HK1: variants seen among roughly 807,000 people sequenced by gnomAD.
HK1 encodes the protein hexokinase-1.
In HK1, 28 loss-of-function variants were observed where a neutral mutation model predicts 91.6. The ratio of observed to expected loss-of-function variants is 0.31; its 90% CI spans 0.23 to 0.42. HK1 has a LOEUF of 0.42. HK1 is among the 10% of genes least tolerant of loss of function. The pLI is 1.00. For synonymous variants in HK1, 430 were observed against 468.1 expected, an observed-to-expected ratio of 0.92 and a Z score of 1.05; for missense variants, 770 against 1,219.8, an observed-to-expected ratio of 0.63 and a Z score of 5.49.
rs373872646 is a variant in HK1 at position 69,378,803 on chromosome 10, G to A, written c.1032-1059G>A. On this transcript the variant is annotated intron_variant, in intron 8 of 17. Coordinates refer to ENST00000359426, the MANE Select transcript of HK1 (RefSeq NM_000188.3). ...ATATTTTTTGGTCAGGTAGAATTGG[G>A]AAAGTCCCACACTCTCCTATTCTCG... is the stretch of plus-strand genomic sequence containing the variant. Among the ~76,000 whole-genome samples the A allele has an allele frequency of 3.3e-5, 5 of 152,240 alleles. No individual in the cohort carries two copies. The East Asian group carries it at 7.7e-4, about 23-fold the overall frequency.
intron 13 of HK1, chr10:69,386,926 T>G (rs1347118315): frequency 6.6e-6 from 1 of 152,272 alleles, no homozygotes; most frequent in Non-Finnish European, 1.5e-5. Flanking sequence ...GTTAAAAGAT[T>G]ATTATTATTT....
At chr10:69,377,885 G>A (rs939721746) in intron 8 of HK1, among the ~76,000 whole-genome samples, 14 of 152,204 alleles carry the variant, frequency 9.2e-5, no homozygotes, top group East Asian at 1.9e-4. Context: ...AGATGAGACA[G>A]GACAGTTAGA....
At chr10:69,325,560 C>G (rs1159530763) in intron 1 of HK1, among the ~76,000 whole-genome samples, 1 of 148,654 alleles carries the variant, frequency 6.7e-6, no homozygotes, top group Non-Finnish European at 1.5e-5. Flanking sequence ...GGGTCTCACT[C>G]TGTATCCTGG....
rs1554874322 is a variant in HK1, at chr10:69,276,118, A to AATATATATATATATAT, written c.-391+6013_-391+6014insTATATATATATATATA. ...AAAAAAAAAAAAAAAAAAAAAAAAA[A>AATATATATATATATAT]ATACATATATATATATATATACACA... On this transcript the variant is annotated intron_variant, in intron 1 of 21. Transcript: ENST00000360289. Among the ~76,000 whole-genome samples the AATATATATATATATAT allele has an allele frequency of 1.3e-3, 50 of 38,250 alleles. 3 individuals are homozygous for AATATATATATATATAT. The highest frequency in any genetic ancestry group is 2.8e-3 in the Admixed American group (5 of 1,794). 25.1% of individuals were successfully genotyped at this position (38,250 alleles called of 152,430 possible). A position where few individuals can be genotyped will look rare whatever the true frequency, so the allele number is the denominator to read the frequency against.
chr10:69,350,124 G>C (rs1309605174), intron 2 of HK1, among the ~76,000 whole-genome samples: 1 of 152,168 alleles, frequency 6.6e-6, no homozygotes, highest in Non-Finnish European at 1.5e-5. Flanking sequence ...GACCTGTGAT[G>C]GTCTTGGAGA....
At chr10:69,395,436 G>A (rs1409512260) in intron 16 of HK1, among the ~76,000 whole-genome samples, 1 of 152,084 alleles carries the variant, frequency 6.6e-6, no homozygotes, top group Non-Finnish European at 1.5e-5. Context: ...AAATTAGCTG[G>A]GTGTGGTGGC....
chr10:69,273,415 A>G (rs923539002), intron 1 of HK1, among the ~76,000 whole-genome samples: 1 of 152,158 alleles, frequency 6.6e-6, no homozygotes, highest in African/African-American at 2.4e-5. Flanking sequence ...ATGGAGTTTC[A>G]CCGTGTCAGC....
At chr10:69,360,073 C>G in intron 3 of HK1, 28 bp downstream of exon 3, 3 of 1,611,358 alleles carry the variant, frequency 1.9e-6, no homozygotes, top group South Asian at 1.1e-5. Flanking sequence ...CCGGGTCACC[C>G]CGTCGGGCCA....
At chr10:69,297,965 C>A (rs950501146) in intron 4 of HK1, among the ~76,000 whole-genome samples, 1 of 150,846 alleles carries the variant, frequency 6.6e-6, no homozygotes, top group Non-Finnish European at 1.5e-5. Flanking sequence ...AATCCCAGCA[C>A]TTTGGGAGGC....
chr10:69,401,075 C>G lies in HK1; in HGVS notation c.2694C>G (p.Gly898=), dbSNP rs755774214. ...TCCTCCTGTCTGAGGATGGCAGCGGCAAGGGGGCCGCCCTCATCACGGCCG... is the reference window on the plus strand; with the variant it reads ...TCCTCCTGTCTGAGGATGGCAGCGGGAAGGGGGCCGCCCTCATCACGGCCG... ...VSFLLSEDGS[G]KGAALITAVG... is the part of the protein sequence containing the mutation. The change falls in exon 18 of 18, where the codon GGC becomes GGG. Residue 898 remains glycine (G), a synonymous_variant. Transcript: ENST00000359426. 1 of 1,614,210 alleles carries G rather than the reference C, an allele frequency of 6.2e-7. No homozygotes were observed. The highest frequency in any genetic ancestry group is 1.1e-5 in the South Asian group (1 of 91,088).
chr10:69,364,769 C>T lies in HK1; in HGVS notation c.376-14C>T, dbSNP rs1849611874. 6.2e-7 allele frequency: 1 copy of T among 1,614,048 alleles called. No homozygotes were observed. The highest frequency in any genetic ancestry group is 8.5e-7 in the Non-Finnish European group (1 of 1,180,022). ...TGCTTTGGGGCCCCCTGACTGCTCT[C>T]ATGTTTCCTTCAGCTTTTTGATCAT... On this transcript the variant is annotated splice_polypyrimidine_tract_variant and intron_variant, in intron 3 of 17. Coordinates refer to ENST00000359426, the MANE Select transcript of HK1 (RefSeq NM_000188.3).
chr10:69,306,190 T>C (rs1049905742), intron 5 of HK1, among the ~76,000 whole-genome samples: 3 of 151,368 alleles, frequency 2.0e-5, no homozygotes, highest in Non-Finnish European at 4.4e-5. Flanking sequence ...CCGTCTCTAC[T>C]AAAAATACAA....
At chr10:69,337,039 T>C (rs1848029730) in intron 1 of HK1, among the ~76,000 whole-genome samples, 1 of 152,214 alleles carries the variant, frequency 6.6e-6, no homozygotes, top group African/African-American at 2.4e-5. Context: ...CACTTGATGC[T>C]TACTTTGTTT....
At chr10:69,274,314 T>C (rs571429200) in intron 1 of HK1, among the ~76,000 whole-genome samples, 107 of 152,236 alleles carry the variant, frequency 7.0e-4, no homozygotes, top group African/African-American at 2.4e-3. Flanking sequence ...AAAAATACTT[T>C]TGCCCAGGCG....
chr10:69,293,267 T>C (rs1285768862), intron 3 of HK1, among the ~76,000 whole-genome samples: 1 of 152,144 alleles, frequency 6.6e-6, no homozygotes. Context: ...CTGGGCATGT[T>C]AGGCAGGTGG....
intron 1 of HK1, among the ~76,000 whole-genome samples, chr10:69,332,507 T>C (rs955017464): frequency 5.3e-5 from 8 of 152,020 alleles, no homozygotes; most frequent in African/African-American, 1.9e-4. Context: ...GCCTCTCTAG[T>C]AGCTGGGATT....
At chr10:69,286,064 C>T (rs1589437085) in intron 2 of HK1, among the ~76,000 whole-genome samples, 2 of 152,112 alleles carry the variant, frequency 1.3e-5, no homozygotes, top group East Asian at 3.8e-4. Context: ...ACTTTGGTAA[C>T]TCATAGCAGT....
Position 69,401,164 on chromosome 10 carries a change from T to G in HK1, c.*29T>G, listed in dbSNP as rs756961874. 6.2e-7 allele frequency: 1 copy of G among 1,607,174 alleles called. No individual in the cohort carries two copies. The highest frequency in any genetic ancestry group is 8.5e-7 in the Non-Finnish European group (1 of 1,177,654). On this transcript the variant is annotated 3_prime_UTR_variant, in exon 18 of 18. Coordinates refer to ENST00000359426, the MANE Select transcript of HK1 (RefSeq NM_000188.3). Reference sequence around the variant, plus strand: ...TCCGGGATCCCCAGCCTACTGCCTCTCCAGCACTTCTCTCTTCAAGCGGCG... The same window carrying G: ...TCCGGGATCCCCAGCCTACTGCCTCGCCAGCACTTCTCTCTTCAAGCGGCG...
At chr10:69,359,317 C>T (rs1393675273) in intron 2 of HK1, among the ~76,000 whole-genome samples, 7 of 152,132 alleles carry the variant, frequency 4.6e-5, no homozygotes, top group African/African-American at 1.2e-4. Context: ...GTGATGGTTG[C>T]ACAACATTGT....
Sources: allele counts gnomAD v4.1 joint callset (sites outside exome capture counted in the v4.1 genomes callset), GRCh38; gene constraint gnomAD v4.1.1; transcripts MANE v1.5; gene names NCBI Gene and HGNC (gene_info 2026-07-23, HGNC 2026-07-21).